Variants in ZFPM2 observed in about 807,000 individuals in gnomAD.
ZFPM2 encodes zinc finger protein ZFPM2.
ZFPM2 carries 20 observed loss-of-function variants against 98.6 expected under a neutral mutation model. The ratio of observed to expected loss-of-function variants is 0.20; its 90% confidence interval spans 0.14 to 0.29. ZFPM2 has a LOEUF of 0.29. ZFPM2 is among the 10% of genes least tolerant of loss of function. The pLI, the probability that ZFPM2 is intolerant of heterozygous loss-of-function variation, is 1.00. For synonymous variants in ZFPM2, 518 were observed against 502.7 expected, an observed-to-expected ratio of 1.03 and a Z score of -0.41; for missense variants, 1,310 against 1,388.6, an observed-to-expected ratio of 0.94 and a Z score of 0.90.
intron 1 of ZFPM2, among the ~76,000 whole-genome samples, chr8:105,352,952 C>T (rs1812676662): frequency 6.6e-6 from 1 of 152,166 alleles, no homozygotes; most frequent in African/African-American, 2.4e-5. Flanking sequence ...TGGAGCACAA[C>T]ATTAGCACAT....
intron 6 of ZFPM2, 51 bp downstream of exon 6, chr8:105,788,975 G>C: frequency 1.4e-6 from 2 of 1,443,250 alleles, no homozygotes; most frequent in Non-Finnish European, 1.9e-6. Flanking sequence ...GGGAATTTAT[G>C]GGAGAAAAAA....
chr8:105,433,849 T>A (rs1253734858), intron 2 of ZFPM2, among the ~76,000 whole-genome samples: 1 of 152,190 alleles, frequency 6.6e-6, no homozygotes, highest in Non-Finnish European at 1.5e-5. Context: ...ACCACTGTTA[T>A]CAACTGTTTC....
chr8:105,784,587 A>G lies in ZFPM2; in HGVS notation c.533-4131A>G, dbSNP rs1410320915. Among the ~76,000 whole-genome samples, 4 of 146,062 alleles carry G rather than the reference A, an allele frequency of 2.7e-5. No homozygotes were observed. The South Asian group carries it at 6.2e-4, about 23-fold the overall frequency. On this transcript the variant is annotated intron_variant, in intron 5 of 7. Transcript: ENST00000407775. Reference sequence around the variant, plus strand: ...AAACATTTATTATATGTTATTTATTATATGATTATATGTCAGGTGCTGTTC... The same window carrying G: ...AAACATTTATTATATGTTATTTATTGTATGATTATATGTCAGGTGCTGTTC...
intron 5 of ZFPM2, among the ~76,000 whole-genome samples, chr8:105,680,419 A>G (rs1417314690): frequency 2.0e-5 from 3 of 152,180 alleles, no homozygotes; most frequent in African/African-American, 4.8e-5. Context: ...CTTTGCTTTA[A>G]GTATCAGAAA....
intron 3 of ZFPM2, among the ~76,000 whole-genome samples, chr8:105,510,284 C>T (rs1384944681): frequency 6.6e-6 from 1 of 151,962 alleles, no homozygotes; most frequent in African/African-American, 2.4e-5. Context: ...AGTTTTTGAA[C>T]AATTTACATT....
At chr8:105,529,438 T>C (rs1814246926) in intron 3 of ZFPM2, among the ~76,000 whole-genome samples, 1 of 152,144 alleles carries the variant, frequency 6.6e-6, no homozygotes, top group African/African-American at 2.4e-5. Flanking sequence ...TTATTATAAG[T>C]ACTATATATT....
At chr8:105,364,264 G>A (rs1810467014) in intron 1 of ZFPM2, among the ~76,000 whole-genome samples, 1 of 151,982 alleles carries the variant, frequency 6.6e-6, no homozygotes, top group South Asian at 2.1e-4. Context: ...GTAGGAATTG[G>A]TTGATTGGGG....
chr8:105,801,598 G>A lies in ZFPM2; in HGVS notation c.1516G>A (p.Asp506Asn), dbSNP rs1814018706. The A allele has an allele frequency of 4.3e-6, 7 of 1,613,726 alleles. No individual in the cohort carries two copies. The East Asian group carries it at 8.9e-5, about 21-fold the overall frequency. Residue 506 changes from aspartate to asparagine, a missense_variant, in exon 8 of 8, where the codon GAT (aspartate) becomes AAT (asparagine). Transcript: ENST00000407775. ...PFLSQFSFPQDITMVPQASEI... is the reference protein window; with the variant it reads ...PFLSQFSFPQNITMVPQASEI... ...CCTATCTCAGTTTTCTTTCCCCCAAGATATCACCATGGTCCCTCAAGCTTC... is the reference window on the plus strand; with the variant it reads ...CCTATCTCAGTTTTCTTTCCCCCAAAATATCACCATGGTCCCTCAAGCTTC...
At chr8:105,676,294 C>G (rs1426345238) in intron 5 of ZFPM2, among the ~76,000 whole-genome samples, 1 of 152,134 alleles carries the variant, frequency 6.6e-6, no homozygotes, top group Non-Finnish European at 1.5e-5. Flanking sequence ...CACCTAGTGA[C>G]TTTGGCATAT....
chr8:105,447,242 C>T (rs1812393521), intron 3 of ZFPM2, among the ~76,000 whole-genome samples: 1 of 150,912 alleles, frequency 6.6e-6, no homozygotes. Flanking sequence ...CTTTAGATTC[C>T]ATGGGTTTAG....
chr8:105,571,599 T>G (rs2130721544), intron 4 of ZFPM2, among the ~76,000 whole-genome samples: 1 of 152,316 alleles, frequency 6.6e-6, no homozygotes, highest in South Asian at 2.1e-4. Context: ...AAACAATTAG[T>G]TTGGCAGGAT....
At chr8:105,334,118 C>CTGTG (rs71305145) in intron 1 of ZFPM2, among the ~76,000 whole-genome samples, 5,598 of 120,340 alleles carry the variant, frequency 0.047, 288 homozygotes, top group African/African-American at 0.14. Context: ...TAGTAATAAA[C>CTGTG]TGTGTGTGTG....
rs529353511 is a variant in ZFPM2, at chr8:105,698,079, A to G, written c.532+63722A>G. 2.0e-5 allele frequency among the ~76,000 whole-genome samples: 3 copies of G among 152,372 alleles called. No homozygotes were observed. The East Asian group carries it at 5.8e-4, about 29-fold the overall frequency. On this transcript the variant is annotated intron_variant, in intron 5 of 7. Coordinates refer to ENST00000407775, the MANE Select transcript of ZFPM2 (RefSeq NM_012082.4). The stretch of plus-strand genomic sequence containing the variant: ...CTTGTATTTCTCTCATGTCTTTCAC[A>G]ATGCCTAATTTTGCTCTATGCAAAT...
rs1813675150 is a variant in ZFPM2 at position 105,505,212 on chromosome 8, T to C, written c.302-56151T>C. On this transcript the variant is annotated intron_variant, in intron 3 of 7. Coordinates refer to ENST00000407775, the MANE Select transcript of ZFPM2 (RefSeq NM_012082.4). Reference sequence around the variant, plus strand: ...GTTAGCTGCTGTGAGAATTAAAAGATGTAATTTAAGGAGCAAACTTGGTAT... The same window carrying C: ...GTTAGCTGCTGTGAGAATTAAAAGACGTAATTTAAGGAGCAAACTTGGTAT... Among the ~76,000 whole-genome samples the C allele has an allele frequency of 2.0e-5, 3 of 152,164 alleles. No individual in the cohort carries two copies. In the South Asian group the frequency reaches 6.2e-4, roughly 31 times the overall value.
chr8:105,682,371 G>T (rs531280596), intron 5 of ZFPM2, among the ~76,000 whole-genome samples: 1 of 152,306 alleles, frequency 6.6e-6, no homozygotes, highest in East Asian at 1.9e-4. Flanking sequence ...CAGGTGGAGG[G>T]AAGAACAAAT....
chr8:105,556,778 A>G (rs1815004664), intron 3 of ZFPM2, among the ~76,000 whole-genome samples: 1 of 138,808 alleles, frequency 7.2e-6, no homozygotes, highest in South Asian at 2.4e-4. Flanking sequence ...GCTGGAGTGC[A>G]GTGGTGCGAT....
At chr8:105,424,580 T>C (rs1449663600) in intron 2 of ZFPM2, among the ~76,000 whole-genome samples, 3 of 151,948 alleles carry the variant, frequency 2.0e-5, no homozygotes, top group Non-Finnish European at 4.4e-5. Context: ...TTCTTTAACA[T>C]AAAAAATGTA....
rs1261391536 is a variant in ZFPM2, at chr8:105,681,496, G to C, written c.532+47139G>C. ...TAGATTATAAGTAGCACTGTGATAA[G>C]GTACATGATTGTGTGTGTGTATTAA... On this transcript the variant is annotated intron_variant, in intron 5 of 7. Transcript: ENST00000407775. 5.3e-5 allele frequency among the ~76,000 whole-genome samples: 8 copies of C among 152,132 alleles called. No individual in the cohort carries two copies. In the East Asian group the frequency reaches 1.5e-3, roughly 29 times the overall value.
At chr8:105,442,822 A>G (rs79271139) in intron 2 of ZFPM2, among the ~76,000 whole-genome samples, 2,442 of 152,264 alleles carry the variant, frequency 0.016, 60 homozygotes, top group African/African-American at 0.056. Context: ...ATCATGTTAA[A>G]TGTCATTCAT....
Sources: allele counts gnomAD v4.1 joint callset (sites outside exome capture counted in the v4.1 genomes callset), GRCh38; gene constraint gnomAD v4.1.1; transcripts MANE v1.5; gene names NCBI Gene and HGNC (gene_info 2026-07-23, HGNC 2026-07-21).